ESRRB: variants seen among roughly 807,000 people sequenced by gnomAD.
The protein encoded by ESRRB is steroid hormone receptor ERR2.
Under a neutral mutation model 46.0 loss-of-function variants are expected in ESRRB, and 16 were observed. The ratio of observed to expected loss-of-function variants is 0.35; its 90% CI spans 0.24 to 0.53. The LOEUF is 0.53. ESRRB is among the 20% of genes least tolerant of loss of function. The probability of loss-of-function intolerance (pLI) is 0.93; values close to 1 mark genes in which losing one functional copy is unlikely to be tolerated. For missense variants in ESRRB, 488 were observed against 607.4 expected, an observed-to-expected ratio of 0.80 and a Z score of 2.07; for synonymous variants, 246 against 259.6, an observed-to-expected ratio of 0.95 and a Z score of 0.50.
At chr14:76,476,739 C>T (rs534821979) in intron 3 of ESRRB, among the ~76,000 whole-genome samples, 2 of 151,198 alleles carry the variant, frequency 1.3e-5, no homozygotes, top group African/African-American at 4.9e-5. Context: ...GCGGCAGGGG[C>T]GCTCCAGCTC....
At chr14:76,410,836 G>A (rs189289341) in intron 1 of ESRRB, among the ~76,000 whole-genome samples, 1 of 151,724 alleles carries the variant, frequency 6.6e-6, no homozygotes, top group African/African-American at 2.4e-5. Context: ...CAGACTGGAG[G>A]GCAGTGGTGC....
At chr14:76,488,711 C>A (rs1890108643) in intron 5 of ESRRB, among the ~76,000 whole-genome samples, 2 of 152,182 alleles carry the variant, frequency 1.3e-5, no homozygotes, top group African/African-American at 4.8e-5. Context: ...CATCCAGGGG[C>A]ACCTGGGCAT....
Position 76,376,256 on chromosome 14 carries a change from C to T in ESRRB, c.-146C>T. On this transcript the variant is annotated 5_prime_UTR_variant, in exon 1 of 7. Coordinates refer to ENST00000644823, the MANE Select transcript of ESRRB (RefSeq NM_001379180.1). This position sits in a 1 kb window ranked among gnomAD's most constrained non-coding sequence, Gnocchi z 4.1. ...GCACGGCTCTCTGCCTCCCTCTCCC[C>T]CGCCGCGGCCGCCTCCTCCCACTCT... is the stretch of plus-strand genomic sequence containing the variant. 2.1e-6 allele frequency: 1 copy of T among 479,390 alleles called. No individual in the cohort carries two copies. The highest frequency in any genetic ancestry group is 3.3e-6 in the Non-Finnish European group (1 of 300,930). 29.7% of individuals were successfully genotyped at this position (479,390 alleles called of 1,614,324 possible).
intron 1 of ESRRB, among the ~76,000 whole-genome samples, chr14:76,327,500 A>C (rs1032021271): frequency 6.6e-6 from 1 of 151,978 alleles, no homozygotes; most frequent in Non-Finnish European, 1.5e-5. Flanking sequence ...GATGATGATG[A>C]TGATGATGAT....
chr14:76,447,453 C>G (rs969724567), intron 2 of ESRRB, among the ~76,000 whole-genome samples: 6 of 152,132 alleles, frequency 3.9e-5, no homozygotes, highest in Non-Finnish European at 7.4e-5. Flanking sequence ...TCCATGGCTT[C>G]AGTTGTCTCT....
At chr14:76,430,037 C>T (rs1454036300) in intron 1 of ESRRB, among the ~76,000 whole-genome samples, 1 of 152,114 alleles carries the variant, frequency 6.6e-6, no homozygotes, top group Non-Finnish European at 1.5e-5. Flanking sequence ...CCCTACCCTC[C>T]CTCCCATGTA....
chr14:76,458,334 C>T (rs1272852701), intron 2 of ESRRB, among the ~76,000 whole-genome samples: 5 of 152,168 alleles, frequency 3.3e-5, no homozygotes, highest in Non-Finnish European at 4.4e-5. Flanking sequence ...AAAGCAAGGC[C>T]GCCAGCCTGG....
chr14:76,482,506 A>C lies in ESRRB; in HGVS notation c.689-92A>C. The C allele has an allele frequency of 8.6e-6, 12 of 1,388,858 alleles. No homozygotes were observed. The highest frequency in any genetic ancestry group is 1.2e-5 in the Non-Finnish European group (12 of 981,918). 86.0% of individuals were successfully genotyped at this position (1,388,858 alleles called of 1,614,324 possible). A position where few individuals can be genotyped will look rare whatever the true frequency, so the allele number is the denominator to read the frequency against. ...CTTTGACCTTCCTGGAGCTCTTAGG[A>C]ACCCAACTTTGCTTCCTGACCCATC... On this transcript the variant is annotated intron_variant, in intron 4 of 6. Coordinates refer to ENST00000644823, the MANE Select transcript of ESRRB (RefSeq NM_001379180.1). This position sits in a 1 kb window ranked among gnomAD's most constrained non-coding sequence, Gnocchi z 4.3.
At chr14:76,378,390 AGAAG>A (rs1437124214) in intron 1 of ESRRB, among the ~76,000 whole-genome samples, 1 of 152,210 alleles carries the variant, frequency 6.6e-6, no homozygotes, top group African/African-American at 2.4e-5. Context: ...GGGAAGCAGC[AGAAG>A]GAAGTCAGGG....
rs373025770 is a variant in ESRRB at position 76,359,125 on chromosome 14, G to A, written c.2+48209G>A. ...CACATGTTCTTCCTTCTGCAAAACCGAAGCTGGTGTTAAGTTTCGATAATA... is the reference window on the plus strand; with the variant it reads ...CACATGTTCTTCCTTCTGCAAAACCAAAGCTGGTGTTAAGTTTCGATAATA... On this transcript the variant is annotated intron_variant, in intron 1 of 6. Transcript: ENST00000512784. Among the ~76,000 whole-genome samples the A allele has an allele frequency of 1.5e-4, 23 of 152,318 alleles. No individual in the cohort carries two copies. The South Asian group carries it at 1.9e-3, about 12-fold the overall frequency.
chr14:76,371,107 C>A (rs1884614365), upstream of ESRRB, among the ~76,000 whole-genome samples: 1 of 152,228 alleles, frequency 6.6e-6, no homozygotes, highest in Non-Finnish European at 1.5e-5. Context: ...GCTAATAGGA[C>A]ATGAGCCTTC....
chr14:76,322,236 G>C (rs8012927), intron 1 of ESRRB, among the ~76,000 whole-genome samples: 122,625 of 152,146 alleles, frequency 0.81, 49,564 homozygotes, highest in South Asian at 0.86. Context: ...ACACAGACAC[G>C]TCTGCCAGGT....
At chr14:76,340,044 T>C (rs974895271) in intron 1 of ESRRB, among the ~76,000 whole-genome samples, 2 of 151,976 alleles carry the variant, frequency 1.3e-5, no homozygotes, top group African/African-American at 4.8e-5. Context: ...GCAATCTTTA[T>C]CAAGCATGCC....
At chr14:76,321,062 T>C (rs1038197563) in intron 1 of ESRRB, among the ~76,000 whole-genome samples, 4 of 152,236 alleles carry the variant, frequency 2.6e-5, no homozygotes, top group African/African-American at 9.6e-5. Flanking sequence ...TTTTACTAAA[T>C]GGCCTCGATT....
At chr14:76,402,832 C>T (rs1423666512) in intron 1 of ESRRB, among the ~76,000 whole-genome samples, 3 of 152,108 alleles carry the variant, frequency 2.0e-5, no homozygotes, top group African/African-American at 7.2e-5. Flanking sequence ...CCACTCAGCT[C>T]TGGGAATTCT....
intron 5 of ESRRB, among the ~76,000 whole-genome samples, chr14:76,489,066 T>C (rs988312949): frequency 6.6e-6 from 1 of 152,100 alleles, no homozygotes; most frequent in Non-Finnish European, 1.5e-5. Context: ...AACATCCTAA[T>C]GATTGTACCT....
chr14:76,400,810 C>G (rs1178704076), intron 1 of ESRRB, among the ~76,000 whole-genome samples: 1 of 152,202 alleles, frequency 6.6e-6, no homozygotes, highest in Non-Finnish European at 1.5e-5. Context: ...ATGGGTGGGG[C>G]TCCATTTAGC....
upstream of ESRRB, among the ~76,000 whole-genome samples, chr14:76,367,232 A>G (rs2139776968): frequency 6.6e-6 from 1 of 152,104 alleles, no homozygotes; most frequent in African/African-American, 2.4e-5. Context: ...AGCAGGTTGC[A>G]TGCATTTTCT....
intron 2 of ESRRB, among the ~76,000 whole-genome samples, chr14:76,446,076 G>C (rs1341868750): frequency 6.6e-6 from 1 of 152,218 alleles, no homozygotes; most frequent in Non-Finnish European, 1.5e-5. Flanking sequence ...ACTACGGCCT[G>C]TAAGCCAGCC....
Sources: allele counts gnomAD v4.1 joint callset (sites outside exome capture counted in the v4.1 genomes callset), GRCh38; gene constraint gnomAD v4.1.1; non-coding constraint Gnocchi (gnomAD v3.1); transcripts MANE v1.5; gene names NCBI Gene and HGNC (gene_info 2026-07-23, HGNC 2026-07-21).